The following VPS13A variants were observed in gnomAD, a reference collection of about 807,000 sequenced individuals.
VPS13A encodes intermembrane lipid transfer protein VPS13A.
Under a neutral mutation model 390.9 loss-of-function variants are expected in VPS13A, and 264 were observed. That is an observed-to-expected ratio of 0.68 (90% CI 0.61 to 0.75). VPS13A has a LOEUF of 0.75. Ranked by LOEUF, VPS13A falls within the 30% of genes least tolerant of loss-of-function variation. The pLI is 0.00. For synonymous variants in VPS13A, 1,231 were observed against 1,227.1 expected (o/e 1.00, Z -0.07); for missense variants, 3,409 against 3,733.9 (o/e 0.91, Z 2.27).
At chr9:77,399,349 C>T (rs1169565843) in intron 68 of VPS13A, among the ~76,000 whole-genome samples, 1 of 152,090 alleles carries the variant, frequency 6.6e-6, no homozygotes, top group Non-Finnish European at 1.5e-5. Context: ...CTTACTTATA[C>T]CAGATGCTGT....
In VPS13A at chr9:77,303,026, T is replaced by C. The variant is rs1386428042; in HGVS notation, c.3924T>C (p.Pro1308=). The change falls in exon 34 of 72, where the codon CCT becomes CCC. Residue 1308 remains proline (P), a synonymous_variant. Transcript: ENST00000360280. The part of the protein sequence containing the change: ...NLCWEWYQEV[P]CFNVNAQLKP... The stretch of plus-strand genomic sequence containing the variant: ...GCTGGGAGTGGTACCAGGAAGTTCC[T>C]TGTTTTAATGTAAATGCTCAGCTGA... 6.2e-7 allele frequency: 1 copy of C among 1,614,078 alleles called. No individual in the cohort carries two copies. The highest frequency in any genetic ancestry group is 1.1e-5 in the South Asian group (1 of 91,082).
At chr9:77,350,012 A>G (rs945696490) in intron 52 of VPS13A, among the ~76,000 whole-genome samples, 4 of 152,100 alleles carry the variant, frequency 2.6e-5, no homozygotes, top group African/African-American at 9.7e-5. Flanking sequence ...ATAATTCCTT[A>G]CCATATTTTT....
intron 41 of VPS13A, among the ~76,000 whole-genome samples, chr9:77,319,247 TTAAGGA>T (rs1829598736): frequency 6.6e-6 from 1 of 151,806 alleles, no homozygotes; most frequent in Non-Finnish European, 1.5e-5. Flanking sequence ...CCTTTTTTTT[TTAAGGA>T]TATAGACAGA....
At chr9:77,354,144 A>G (rs562301661) in intron 54 of VPS13A, among the ~76,000 whole-genome samples, 29 of 152,220 alleles carry the variant, frequency 1.9e-4, no homozygotes, top group Middle Eastern at 6.8e-3. Flanking sequence ...TCCTATTCAT[A>G]AACAGTTGTT....
At chr9:77,352,998 T>C (rs1410668378) in intron 53 of VPS13A, among the ~76,000 whole-genome samples, 1 of 152,140 alleles carries the variant, frequency 6.6e-6, no homozygotes, top group African/African-American at 2.4e-5. Flanking sequence ...AGATACAAGA[T>C]ATTTTTTATC....
chr9:77,261,145 C>T (rs553581582), intron 23 of VPS13A, among the ~76,000 whole-genome samples: 52 of 152,110 alleles, frequency 3.4e-4, no homozygotes, highest in African/African-American at 9.9e-4. Context: ...GTGATCCACC[C>T]GCCTCGGCCT....
intron 34 of VPS13A, among the ~76,000 whole-genome samples, chr9:77,304,137 T>C (rs1297214119): frequency 1.3e-5 from 2 of 152,170 alleles, no homozygotes; most frequent in East Asian, 3.8e-4. Flanking sequence ...CACAGTGCAT[T>C]GTGCCCCAGG....
Position 77,371,232 on chromosome 9 carries a change from T to C in VPS13A, c.9077+83T>C, listed in dbSNP as rs1325537712. ...TTTATCTGCTCTTTGGCTTCAGGCATTTAGTTATTGTCTTTGTTTTGTGCT... is the reference window on the plus strand; with the variant it reads ...TTTATCTGCTCTTTGGCTTCAGGCACTTAGTTATTGTCTTTGTTTTGTGCT... On this transcript the variant is annotated intron_variant, in intron 67 of 71. Coordinates refer to ENST00000360280, the MANE Select transcript of VPS13A (RefSeq NM_033305.3). The C allele has an allele frequency of 1.9e-6, 3 of 1,582,476 alleles. No homozygotes were observed. In the African/African-American group the frequency reaches 4.1e-5, roughly 21 times the overall value.
intron 35 of VPS13A, 22 bp from the exon 36 acceptor site, chr9:77,313,970 A>G: frequency 3.1e-6 from 5 of 1,601,786 alleles, no homozygotes; most frequent in Non-Finnish European, 1.7e-6. Context: ...TTCTTTTATT[A>G]AATAACTTTA....
At chr9:77,268,463 C>T (rs904621102) in intron 23 of VPS13A, among the ~76,000 whole-genome samples, 1 of 152,114 alleles carries the variant, frequency 6.6e-6, no homozygotes, top group Admixed American at 6.6e-5. Flanking sequence ...TTCAGCTCGC[C>T]CTCCGTTGGT....
At chr9:77,204,080 A>G (rs1296649040) in intron 3 of VPS13A, among the ~76,000 whole-genome samples, 3 of 152,184 alleles carry the variant, frequency 2.0e-5, no homozygotes, top group African/African-American at 7.2e-5. Flanking sequence ...GTGATATTAT[A>G]TGATGAAATC....
chr9:77,387,241 G>T (rs1226741275), intron 68 of VPS13A, among the ~76,000 whole-genome samples: 1 of 151,972 alleles, frequency 6.6e-6, no homozygotes, highest in Non-Finnish European at 1.5e-5. Context: ...CAAATATATA[G>T]AAAATGAATT....
At chr9:77,299,639 A>G (rs918161922) in intron 33 of VPS13A, among the ~76,000 whole-genome samples, 3 of 152,200 alleles carry the variant, frequency 2.0e-5, no homozygotes, top group Non-Finnish European at 4.4e-5. Context: ...GTTTATTGCA[A>G]TACTGTTCAC....
chr9:77,329,318 G>A (rs1228511362), intron 45 of VPS13A, among the ~76,000 whole-genome samples: 2 of 152,202 alleles, frequency 1.3e-5, no homozygotes, highest in Admixed American at 6.5e-5. Context: ...CAACTTGGCT[G>A]TTTGATGCAA....
At chr9:77,231,574 T>C (rs945638522) in intron 17 of VPS13A, among the ~76,000 whole-genome samples, 1 of 152,158 alleles carries the variant, frequency 6.6e-6, no homozygotes, top group East Asian at 1.9e-4. Context: ...TTTGTATAAG[T>C]TCATTGGGTC....
intron 22 of VPS13A, among the ~76,000 whole-genome samples, chr9:77,253,869 A>G (rs182926652): frequency 1.0e-3 from 142 of 137,890 alleles, no homozygotes; most frequent in African/African-American, 3.6e-3. Flanking sequence ...AGCTTCTTTT[A>G]TTTAGATCTT....
At chr9:77,346,622 C>T (rs1831169151) in intron 52 of VPS13A, among the ~76,000 whole-genome samples, 1 of 152,110 alleles carries the variant, frequency 6.6e-6, no homozygotes, top group East Asian at 1.9e-4. Context: ...AGAGTTTTTC[C>T]AGTATTATCT....
chr9:77,221,538 T>A (rs1042740307), intron 13 of VPS13A, among the ~76,000 whole-genome samples, 182 bp downstream of exon 13: 1 of 152,168 alleles, frequency 6.6e-6, no homozygotes, highest in Non-Finnish European at 1.5e-5. Flanking sequence ...GTTGAAATTC[T>A]CCAGTGAGCT....
Position 77,275,724 on chromosome 9 carries a change from C to G in VPS13A, c.2667+72C>G, listed in dbSNP as rs1826623344. Reference sequence around the variant, plus strand: ...CTATATTTACAGCTTACTATATAGTCTCATTGTTAAGAAGCACTATCTTTT... The same window carrying G: ...CTATATTTACAGCTTACTATATAGTGTCATTGTTAAGAAGCACTATCTTTT... On this transcript the variant is annotated intron_variant, in intron 25 of 71. Coordinates refer to ENST00000360280, the MANE Select transcript of VPS13A (RefSeq NM_033305.3). 3.5e-5 allele frequency: 53 copies of G among 1,495,400 alleles called. No homozygotes were observed. In the Admixed American group the frequency reaches 8.7e-4, roughly 24 times the overall value. 92.6% of individuals were successfully genotyped at this position (1,495,400 alleles called of 1,614,324 possible). A position where few individuals can be genotyped will look rare whatever the true frequency, so the allele number is the denominator to read the frequency against.
Sources: gnomAD v4.1 joint callset for allele counts (sites outside exome capture counted in the v4.1 genomes callset) on GRCh38, gnomAD v4.1.1 for gene constraint, MANE v1.5 for transcripts, NCBI Gene and HGNC (gene_info 2026-07-23, HGNC 2026-07-21) for gene names.